Variants in KCNMA1 observed in about 807,000 individuals in gnomAD.
KCNMA1 encodes potassium calcium-activated channel subfamily M alpha 1.
KCNMA1 carries 29 observed loss-of-function variants against 140.0 expected under a neutral mutation model. The ratio of observed to expected loss-of-function variants is 0.21; its 90% CI spans 0.15 to 0.28. The LOEUF (loss-of-function observed/expected upper bound fraction) is 0.28, where lower values mean the gene tolerates loss of function less well. Among genes scored for constraint, KCNMA1 ranks in the 10% least tolerant of loss-of-function variants. The pLI, the probability that KCNMA1 is intolerant of heterozygous loss-of-function variation, is 1.00. For synonymous variants in KCNMA1, 612 were observed against 611.9 expected, an observed-to-expected ratio of 1.00 and a Z score of 0.00; for missense variants, 880 against 1,602.2, an observed-to-expected ratio of 0.55 and a Z score of 7.70.
chr10:77,226,717 T>C (rs1348063895), intron 3 of KCNMA1, among the ~76,000 whole-genome samples: 6 of 152,312 alleles, frequency 3.9e-5, no homozygotes, highest in Middle Eastern at 3.4e-3. Flanking sequence ...ATCTTTCCTT[T>C]GCCCAGCCCA....
At chr10:77,443,381 T>C (rs2097452428) in intron 1 of KCNMA1, among the ~76,000 whole-genome samples, 1 of 152,006 alleles carries the variant, frequency 6.6e-6, no homozygotes, top group South Asian at 2.1e-4. Flanking sequence ...AGAGCATTCA[T>C]GGGTTGTGGT....
intron 20 of KCNMA1, among the ~76,000 whole-genome samples, chr10:76,958,606 T>C (rs2069432761): frequency 6.6e-6 from 1 of 152,196 alleles, no homozygotes; most frequent in African/African-American, 2.4e-5. Context: ...TGGGGTGAGT[T>C]CTGATCCAAT....
Position 76,886,074 on chromosome 10 carries a change from G to A in KCNMA1, c.*1192C>T. On this transcript the variant is annotated 3_prime_UTR_variant, in exon 28 of 28. Coordinates refer to ENST00000286628, the MANE Select transcript of KCNMA1 (RefSeq NM_001161352.2). ...GTGCCAACAGTTGAAGGTGGTGGCT[G>A]GCTTTTGTCTTTGTTGAGTCAACTG... 1.0e-6 allele frequency: 1 copy of A among 985,398 alleles called. No homozygotes were observed. Among genetic ancestry groups the A allele is most frequent in the East Asian group, 1.1e-4 (1 of 8,798 alleles). The allele number at this position is 985,398 out of a possible 1,614,324, so 61.0% of individuals were successfully genotyped here. A position where few individuals can be genotyped will look rare whatever the true frequency, so the allele number is the denominator to read the frequency against.
intron 2 of KCNMA1, among the ~76,000 whole-genome samples, chr10:77,367,772 C>G (rs908734404): frequency 6.6e-6 from 1 of 152,174 alleles, no homozygotes; most frequent in Non-Finnish European, 1.5e-5. Flanking sequence ...TTTACCTATC[C>G]AAGGAAGTAA....
At chr10:77,519,156 G>T (rs1325927747) in intron 1 of KCNMA1, among the ~76,000 whole-genome samples, 1 of 152,250 alleles carries the variant, frequency 6.6e-6, no homozygotes, top group African/African-American at 2.4e-5. Flanking sequence ...ACTGGCTTCA[G>T]CCCGCCTGGC....
chr10:77,564,489 A>G (rs2067454431), intron 1 of KCNMA1, among the ~76,000 whole-genome samples: 1 of 152,214 alleles, frequency 6.6e-6, no homozygotes, highest in Non-Finnish European at 1.5e-5. Flanking sequence ...AGGCTGAGAC[A>G]GAAGAATCAC....
chr10:77,583,546 G>A (rs2076424795), intron 1 of KCNMA1, among the ~76,000 whole-genome samples: 1 of 152,206 alleles, frequency 6.6e-6, no homozygotes, highest in Non-Finnish European at 1.5e-5. Flanking sequence ...TCTGAAATCT[G>A]AGTAATACAA....
chr10:77,294,614 A>G (rs1231261107), intron 2 of KCNMA1, among the ~76,000 whole-genome samples: 1 of 152,236 alleles, frequency 6.6e-6, no homozygotes, highest in Non-Finnish European at 1.5e-5. Context: ...ACAGCACAAG[A>G]TTAGAAACAA....
Position 77,276,101 on chromosome 10 carries a change from C to T in KCNMA1, c.541-24845G>A, listed in dbSNP as rs865947509. Among the ~76,000 whole-genome samples the T allele has an allele frequency of 7.9e-5, 12 of 152,170 alleles. No individual in the cohort carries two copies. In the South Asian group the frequency reaches 1.2e-3, roughly 16 times the overall value. On this transcript the variant is annotated intron_variant, in intron 2 of 27. Transcript: ENST00000286628. ...TCAACATGAGTACCACAGTCCTCTCCGCTTAACCAGGCTGCTGCATCTCAG... is the reference window on the plus strand; with the variant it reads ...TCAACATGAGTACCACAGTCCTCTCTGCTTAACCAGGCTGCTGCATCTCAG...
chr10:77,412,587 G>T (rs1320711493), intron 1 of KCNMA1, among the ~76,000 whole-genome samples: 1 of 152,192 alleles, frequency 6.6e-6, no homozygotes, highest in Non-Finnish European at 1.5e-5. Context: ...CTATCTGGGA[G>T]ACGAGAGGGG....
At chr10:77,088,372 T>C (rs2096740701) in intron 10 of KCNMA1, among the ~76,000 whole-genome samples, 1 of 152,212 alleles carries the variant, frequency 6.6e-6, no homozygotes, top group Non-Finnish European at 1.5e-5. Flanking sequence ...AGTATGACAT[T>C]GATGGATGTT....
chr10:77,443,979 T>A (rs1566887515), intron 1 of KCNMA1, among the ~76,000 whole-genome samples: 1 of 152,184 alleles, frequency 6.6e-6, no homozygotes, highest in African/African-American at 2.4e-5. Context: ...TGATTTGACC[T>A]TTACAAATTA....
rs567115242 is a variant in KCNMA1 at position 76,959,286 on chromosome 10, G to A, written c.2361-5362C>T. Among the ~76,000 whole-genome samples, 7 of 152,314 alleles carry A rather than the reference G, an allele frequency of 4.6e-5. No homozygotes were observed. The East Asian group carries it at 1.2e-3, about 25-fold the overall frequency. On this transcript the variant is annotated intron_variant, in intron 20 of 27. Transcript: ENST00000286628. ...GACTTATAGAGTCCATCTCCAAATGGAGTGTTCAGGGGTTGATACCACTAA... is the reference window on the plus strand; with the variant it reads ...GACTTATAGAGTCCATCTCCAAATGAAGTGTTCAGGGGTTGATACCACTAA...
Position 76,884,986 on chromosome 10 carries a change from T to C in KCNMA1, c.*2280A>G. On this transcript the variant is annotated 3_prime_UTR_variant, in exon 28 of 28. Transcript: ENST00000286628. ...GGTCATGCAGAACCATTAATTGTCA[T>C]ACCTTGGCCCATTCTATTCATCCTT... 6.5e-7 allele frequency: 1 copy of C among 1,548,196 alleles called. No homozygotes were observed.
chr10:77,287,431 C>G (rs1050366593), intron 2 of KCNMA1, among the ~76,000 whole-genome samples: 17 of 152,132 alleles, frequency 1.1e-4, no homozygotes, highest in African/African-American at 4.1e-4. Context: ...TTCACTTTAG[C>G]AATTTTATTA....
intron 19 of KCNMA1, chr10:76,980,112 GAGAACA>G (rs1397943171): frequency 6.6e-6 from 1 of 152,178 alleles, no homozygotes; most frequent in Non-Finnish European, 1.5e-5. Context: ...CAATGCATTG[GAGAACA>G]AGGTGTGGAG....
intron 14 of KCNMA1, among the ~76,000 whole-genome samples, chr10:77,052,273 C>G (rs1488730925): frequency 1.3e-5 from 2 of 152,106 alleles, no homozygotes; most frequent in Non-Finnish European, 2.9e-5. Context: ...ATGGACTTTC[C>G]TAACGGCCAG....
At chr10:77,619,718 G>A (rs979966109) in intron 1 of KCNMA1, among the ~76,000 whole-genome samples, 1 of 152,176 alleles carries the variant, frequency 6.6e-6, no homozygotes, top group African/African-American at 2.4e-5. Flanking sequence ...TGTCTGCAGA[G>A]GAGACAGGAT....
intron 5 of KCNMA1, among the ~76,000 whole-genome samples, chr10:77,122,372 T>A (rs1441893915): frequency 6.6e-6 from 1 of 152,180 alleles, no homozygotes; most frequent in Non-Finnish European, 1.5e-5. Context: ...AATACTTATA[T>A]AACTTTTATT....
Sources: gnomAD v4.1 joint callset for allele counts (sites outside exome capture counted in the v4.1 genomes callset) on GRCh38, gnomAD v4.1.1 for gene constraint, MANE v1.5 for transcripts, NCBI Gene and HGNC (gene_info 2026-07-23, HGNC 2026-07-21) for gene names.